Variants in PLCB1 observed in about 807,000 individuals in gnomAD.
The protein encoded by PLCB1 is phospholipase C beta 1.
A neutral mutation model predicts 161.8 loss-of-function variants in PLCB1; 46 were observed. That is an observed-to-expected ratio of 0.28 (90% CI 0.22 to 0.36). The LOEUF (loss-of-function observed/expected upper bound fraction) is 0.36, where lower values mean the gene tolerates loss of function less well. PLCB1 is among the 10% of genes least tolerant of loss of function. The pLI is 1.00. For synonymous variants in PLCB1, 517 were observed against 503.7 expected (o/e 1.03, Z -0.35); for missense variants, 1,016 against 1,472.5 (o/e 0.69, Z 5.07).
At chr20:8,859,850 CATAAT>C in intron 31 of PLCB1, among the ~76,000 whole-genome samples, 1 of 152,060 alleles carries the variant, frequency 6.6e-6, no homozygotes, top group South Asian at 2.1e-4. Context: ...AAAAAAAAGA[CATAAT>C]ATACTTTTCT....
At chr20:8,464,273 A>C (rs73897498) in intron 3 of PLCB1, among the ~76,000 whole-genome samples, 3,722 of 152,184 alleles carry the variant, frequency 0.024, 140 homozygotes, top group African/African-American at 0.085. Context: ...TGTCTTTCTA[A>C]GTTTCCTCCT....
At chr20:8,790,308 AT>A in intron 31 of PLCB1, 47 bp downstream of exon 31, 1 of 1,443,192 alleles carries the variant, frequency 6.9e-7, no homozygotes, top group Non-Finnish European at 9.6e-7. Context: ...TTTGATTTCC[AT>A]TTAGTAAGAG....
chr20:8,521,702 C>T (rs937972301), intron 3 of PLCB1, among the ~76,000 whole-genome samples: 1 of 152,126 alleles, frequency 6.6e-6, no homozygotes, highest in African/African-American at 2.4e-5. Context: ...AATTATGATT[C>T]ACAGAATCCA....
At chr20:8,417,083 T>A (rs1212366694) in intron 3 of PLCB1, among the ~76,000 whole-genome samples, 8,974 of 89,994 alleles carry the variant, frequency 0.1, 1,026 homozygotes, top group Non-Finnish European at 0.15. Flanking sequence ...ATTTTTTTTT[T>A]TTTTTTTTTT....
At chr20:8,664,220 T>A (rs1205315121) in intron 9 of PLCB1, among the ~76,000 whole-genome samples, 1 of 152,186 alleles carries the variant, frequency 6.6e-6, no homozygotes, top group Non-Finnish European at 1.5e-5. Context: ...TTTTATAAGG[T>A]ATACTATACA....
At chr20:8,400,950 C>T (rs979487632) in intron 3 of PLCB1, among the ~76,000 whole-genome samples, 5 of 152,236 alleles carry the variant, frequency 3.3e-5, no homozygotes, top group East Asian at 3.9e-4. Flanking sequence ...TTATGAAATG[C>T]ATTGCCAAAT....
intron 3 of PLCB1, among the ~76,000 whole-genome samples, chr20:8,453,543 G>A (rs1443553177): frequency 6.6e-6 from 1 of 152,166 alleles, no homozygotes; most frequent in Non-Finnish European, 1.5e-5. Context: ...TCTAGGGCCT[G>A]GGGATGTAAA....
intron 31 of PLCB1, among the ~76,000 whole-genome samples, chr20:8,878,360 A>G (rs544495955): frequency 6.6e-6 from 1 of 152,360 alleles, no homozygotes; most frequent in South Asian, 2.1e-4. Context: ...ACGCTGTCAA[A>G]CAACAGGCTA....
chr20:8,433,049 A>T (rs1230988006), intron 3 of PLCB1, among the ~76,000 whole-genome samples: 3 of 152,212 alleles, frequency 2.0e-5, no homozygotes, highest in Non-Finnish European at 4.4e-5. Context: ...CCGCACTATC[A>T]GCAGAGGTTC....
rs73591707 is a variant in PLCB1 at position 8,322,079 on chromosome 20, C to T, written c.178-49303C>T. 4.6e-3 allele frequency among the ~76,000 whole-genome samples: 700 copies of T among 152,262 alleles called. 6 individuals carry two copies. Among genetic ancestry groups the T allele is most frequent in the African/African-American group, 0.016 (665 of 41,550 alleles). ...CGGATCTGAGGCATGTTCTCCTGAT[C>T]TAGAATTCCCCAGCAGAACTGAGCC... On this transcript the variant is annotated intron_variant, in intron 2 of 31. Transcript: ENST00000338037.
chr20:8,290,038 T>C (rs1983314015), intron 2 of PLCB1, among the ~76,000 whole-genome samples: 1 of 152,206 alleles, frequency 6.6e-6, no homozygotes, highest in Non-Finnish European at 1.5e-5. Flanking sequence ...TTGGCTTCCT[T>C]GGGTCTAATT....
At chr20:8,389,710 A>C (rs1435020278) in intron 3 of PLCB1, among the ~76,000 whole-genome samples, 1 of 152,208 alleles carries the variant, frequency 6.6e-6, no homozygotes, top group Non-Finnish European at 1.5e-5. Flanking sequence ...TTCTTAAATT[A>C]ATTCTACATA....
At chr20:8,850,414 C>T (rs1352187276) in intron 31 of PLCB1, among the ~76,000 whole-genome samples, 1 of 152,158 alleles carries the variant, frequency 6.6e-6, no homozygotes, top group Non-Finnish European at 1.5e-5. Flanking sequence ...AGACCAGGCT[C>T]CCTTTACTGG....
At chr20:8,280,323 G>A (rs539907412) in intron 2 of PLCB1, among the ~76,000 whole-genome samples, 31 of 145,160 alleles carry the variant, frequency 2.1e-4, no homozygotes, top group Admixed American at 8.2e-4. Context: ...CAACAAGAGC[G>A]AAACTCTGTC....
intron 3 of PLCB1, among the ~76,000 whole-genome samples, chr20:8,389,584 G>A (rs1167590553): frequency 3.3e-5 from 5 of 152,180 alleles, no homozygotes; most frequent in Non-Finnish European, 7.3e-5. Context: ...TAATTTCAAC[G>A]TAAATCCAAT....
At chr20:8,433,132 C>G (rs1355463510) in intron 3 of PLCB1, among the ~76,000 whole-genome samples, 4 of 152,176 alleles carry the variant, frequency 2.6e-5, no homozygotes, top group Non-Finnish European at 5.9e-5. Flanking sequence ...CAACAGGAAG[C>G]AAATTCCTTG....
intron 3 of PLCB1, among the ~76,000 whole-genome samples, chr20:8,466,380 G>A (rs987803757): frequency 6.6e-6 from 1 of 150,406 alleles, no homozygotes; most frequent in African/African-American, 2.5e-5. Context: ...GCTAGATGAC[G>A]AGTTAGTGGG....
chr20:8,830,333 G>C (rs1985923184), intron 31 of PLCB1, among the ~76,000 whole-genome samples: 1 of 152,240 alleles, frequency 6.6e-6, no homozygotes. Context: ...AGCATCAAGG[G>C]CTTGGAGCTT....
intron 2 of PLCB1, among the ~76,000 whole-genome samples, chr20:8,334,437 TTCTTTTCCTTCCCCG>T (rs1278663340): frequency 1.3e-5 from 2 of 152,218 alleles, no homozygotes; most frequent in African/African-American, 4.8e-5. Flanking sequence ...ATTATAAATA[TTCTTTTCCTTCCCCG>T]GACTTCATAA....
Sources: gnomAD v4.1 joint callset for allele counts (sites outside exome capture counted in the v4.1 genomes callset) on GRCh38, gnomAD v4.1.1 for gene constraint, MANE v1.5 for transcripts, NCBI Gene and HGNC (gene_info 2026-07-23, HGNC 2026-07-21) for gene names.